TNKS2: variants seen among roughly 807,000 people sequenced by gnomAD.
TNKS2 encodes poly [ADP-ribose] polymerase tankyrase-2.
TNKS2 carries 72 observed loss-of-function variants against 137.6 expected under a neutral mutation model. That is an observed-to-expected ratio of 0.52 (90% CI 0.43 to 0.64). The LOEUF is 0.64. Ranked by LOEUF, TNKS2 falls within the 30% of genes least tolerant of loss-of-function variation. The probability of loss-of-function intolerance (pLI) is 0.00; values close to 1 mark genes in which losing one functional copy is unlikely to be tolerated. For synonymous variants in TNKS2, 516 were observed against 512.1 expected (o/e 1.01, Z -0.10); for missense variants, 1,049 against 1,410.2 (o/e 0.74, Z 4.10).
chr10:91,849,626 T>C, intron 20 of TNKS2, 32 bp downstream of exon 20: 1 of 1,537,536 alleles, frequency 6.5e-7, no homozygotes, highest in South Asian at 1.2e-5. Context: ...TTTGGATTAG[T>C]GTTTTATGGA....
chr10:91,824,581 G>A (rs1420309476), intron 7 of TNKS2, among the ~76,000 whole-genome samples: 2 of 152,200 alleles, frequency 1.3e-5, no homozygotes, highest in African/African-American at 4.8e-5. Context: ...GGAAGGGACT[G>A]TTGGAACCTC....
At position 91,851,199 on chromosome 10, in the gene TNKS2, T is replaced by C; in HGVS notation, c.2695-17T>C. The C allele has an allele frequency of 6.2e-7, 1 of 1,612,598 alleles. No homozygotes were observed. Among genetic ancestry groups the C allele is most frequent in the Non-Finnish European group, 8.5e-7 (1 of 1,179,636 alleles). On this transcript the variant is annotated splice_polypyrimidine_tract_variant and intron_variant, in intron 20 of 26. Coordinates refer to ENST00000371627, the MANE Select transcript of TNKS2 (RefSeq NM_025235.4). ...AAATAAGTAAGCATTCTAAGTAGTT[T>C]CCTCCTCTTTTGTAAGATCACTTTG...
chr10:91,802,686 A>C (rs1844206965), intron 1 of TNKS2, among the ~76,000 whole-genome samples: 1 of 152,270 alleles, frequency 6.6e-6, no homozygotes, highest in East Asian at 1.9e-4. Flanking sequence ...TAACCATTGG[A>C]GACCTCCAAT....
intron 1 of TNKS2, among the ~76,000 whole-genome samples, chr10:91,806,042 C>CTTTTTTTTTTTT (rs34004456): frequency 1.1e-4 from 14 of 130,056 alleles, no homozygotes; most frequent in Non-Finnish European, 2.1e-4. Context: ...CATTCTTTCT[C>CTTTTTTTTTTTT]TTTTTTTTTT....
chr10:91,807,081 C>G, intron 1 of TNKS2: 1 of 1,440,280 alleles, frequency 6.9e-7, no homozygotes, highest in Non-Finnish European at 9.6e-7. Context: ...TCTGAACAGT[C>G]CACTTAGTTA....
intron 16 of TNKS2, among the ~76,000 whole-genome samples, chr10:91,844,514 C>T (rs563003954): frequency 6.6e-6 from 1 of 152,194 alleles, no homozygotes; most frequent in Admixed American, 6.5e-5. Context: ...GATTGCAGAC[C>T]TTTGACTTGC....
intron 24 of TNKS2, 93 bp from the exon 25 acceptor site, chr10:91,859,369 A>G: frequency 9.3e-7 from 1 of 1,076,862 alleles, no homozygotes; most frequent in Non-Finnish European, 1.3e-6. Flanking sequence ...GTTGGGCTAT[A>G]TATTTAAGAA....
intron 1 of TNKS2, among the ~76,000 whole-genome samples, chr10:91,807,856 C>T (rs1435555991): frequency 1.3e-5 from 2 of 151,996 alleles, no homozygotes; most frequent in Non-Finnish European, 2.9e-5. Context: ...ATTAGCCAGG[C>T]GTGGTGGCGG....
intron 20 of TNKS2, 64 bp downstream of exon 20, chr10:91,849,658 A>G: frequency 7.7e-7 from 1 of 1,290,902 alleles, no homozygotes; most frequent in Non-Finnish European, 1.1e-6. Context: ...AATTTGGAAC[A>G]TACTTGAAAT....
chr10:91,861,720 G>T (rs897333862), intron 25 of TNKS2, among the ~76,000 whole-genome samples: 7 of 152,062 alleles, frequency 4.6e-5, no homozygotes, highest in Admixed American at 1.3e-4. Flanking sequence ...TTTGTTTTTT[G>T]CTGAGATACA....
At position 91,819,943 on chromosome 10, in the gene TNKS2, C is replaced by A; in HGVS notation, c.638C>A (p.Thr213Asn). ...NCHASDGRKSTPLHLAAGYNR... is the reference protein window; with the variant it reads ...NCHASDGRKSNPLHLAAGYNR... ...TATATTTGATTAATATTTCAGTCAA[C>A]TCCATTACATTTGGCAGCAGGATAT... The change falls in exon 6 of 27, where the codon ACT (threonine) becomes AAT (asparagine). Residue 213 changes from threonine (T) to asparagine (N), a missense_variant. Transcript: ENST00000371627. 2 of 1,563,050 alleles carry A rather than the reference C, an allele frequency of 1.3e-6. No homozygotes were observed. Among genetic ancestry groups the A allele is most frequent in the Non-Finnish European group, 1.7e-6 (2 of 1,156,260 alleles).
chr10:91,856,526 C>A (rs966355833), intron 23 of TNKS2, among the ~76,000 whole-genome samples: 1 of 152,150 alleles, frequency 6.6e-6, no homozygotes, highest in African/African-American at 2.4e-5. Flanking sequence ...CAAGCATTAA[C>A]AAAATGTGTG....
At chr10:91,860,889 T>C (rs1842835580) in intron 25 of TNKS2, among the ~76,000 whole-genome samples, 1 of 152,216 alleles carries the variant, frequency 6.6e-6, no homozygotes, top group African/African-American at 2.4e-5. Context: ...AATTGAACAC[T>C]GCTGTTTTTA....
intron 1 of TNKS2, among the ~76,000 whole-genome samples, chr10:91,811,871 A>G (rs1844519182): frequency 6.6e-6 from 1 of 152,174 alleles, no homozygotes; most frequent in African/African-American, 2.4e-5. Flanking sequence ...CATCCTGGCT[A>G]ACATGGTGAA....
intron 7 of TNKS2, among the ~76,000 whole-genome samples, chr10:91,825,196 G>A (rs544962986): frequency 2.6e-5 from 4 of 151,772 alleles, no homozygotes; most frequent in Admixed American, 6.6e-5. Flanking sequence ...CAACCTTCCC[G>A]GGCTCAGGTG....
intron 2 of TNKS2, among the ~76,000 whole-genome samples, chr10:91,814,709 A>G (rs1844621829): frequency 6.6e-6 from 1 of 152,234 alleles, no homozygotes; most frequent in African/African-American, 2.4e-5. Context: ...TCGGTACAGT[A>G]ACATGCTGTT....
At chr10:91,807,366 G>T in intron 1 of TNKS2, 1 of 1,614,122 alleles carries the variant, frequency 6.2e-7, no homozygotes, top group Non-Finnish European at 8.5e-7. Context: ...AACCACACGT[G>T]CCTTCATAGG....
At chr10:91,826,600 A>G (rs1845078269) in intron 7 of TNKS2, among the ~76,000 whole-genome samples, 1 of 152,184 alleles carries the variant, frequency 6.6e-6, no homozygotes, top group Non-Finnish European at 1.5e-5. Context: ...ATTGTCTATA[A>G]AAGGAGCATG....
intron 6 of TNKS2, among the ~76,000 whole-genome samples, chr10:91,820,534 T>G (rs1156569479): frequency 6.6e-6 from 1 of 152,236 alleles, no homozygotes; most frequent in Non-Finnish European, 1.5e-5. Context: ...CTGGAGCAGA[T>G]GATTCACACA....
Sources: gnomAD v4.1 joint callset for allele counts (sites outside exome capture counted in the v4.1 genomes callset) on GRCh38, gnomAD v4.1.1 for gene constraint, MANE v1.5 for transcripts, NCBI Gene and HGNC (gene_info 2026-07-23, HGNC 2026-07-21) for gene names.